TMC1: variants seen among roughly 807,000 people sequenced by gnomAD.
TMC1 encodes the protein transmembrane channel like 1.
A neutral mutation model predicts 105.8 loss-of-function variants in TMC1; 84 were observed. The observed-to-expected ratio is 0.79, with a 90% CI of 0.67 to 0.95. The LOEUF is 0.95. TMC1 is among the 40% of genes least tolerant of loss of function. The probability of loss-of-function intolerance (pLI) is 0.00; values close to 1 mark genes in which losing one functional copy is unlikely to be tolerated. For missense variants in TMC1, 817 were observed against 914.1 expected (o/e 0.89, Z 1.37); for synonymous variants, 315 against 311.5 (o/e 1.01, Z -0.12).
At chr9:72,755,875 A>G (rs1827669766) in intron 12 of TMC1, among the ~76,000 whole-genome samples, 1 of 152,208 alleles carries the variant, frequency 6.6e-6, no homozygotes, top group Admixed American at 6.5e-5. Flanking sequence ...TTCCCAAAGA[A>G]GAGATCAGGT....
At position 72,754,788 on chromosome 9, in the gene TMC1, C is replaced by A. The variant is rs964315149; in HGVS notation, c.645C>A (p.Tyr215Ter). ...LTFSLIMLPE[Y>*]LWGLPYGSLP... is the part of the protein sequence containing the mutation. ...GCTTTCTTTGCTTCTTCATACAGTA[C>A]CTCTGGGGTTTGCCATATGGCAGTT... The change falls in exon 12 of 24, where the codon TAC (tyrosine) becomes TAA (stop). Residue 215 changes from tyrosine to a stop codon, truncating the protein, a stop_gained and splice_region_variant. Transcript: ENST00000297784. LOFTEE classifies it high-confidence loss of function. The A allele has an allele frequency of 2.5e-6, 4 of 1,612,190 alleles. No homozygotes were observed. Among genetic ancestry groups the A allele is most frequent in the Non-Finnish European group, 3.4e-6 (4 of 1,178,294 alleles).
chr9:72,600,613 T>C (rs1378234155), intron 2 of TMC1, among the ~76,000 whole-genome samples: 4 of 152,062 alleles, frequency 2.6e-5, no homozygotes. Context: ...AAAATCCTAA[T>C]GTTCTCAAGC....
At chr9:72,565,013 GA>G (rs1824122306) in intron 1 of TMC1, among the ~76,000 whole-genome samples, 1 of 152,158 alleles carries the variant, frequency 6.6e-6, no homozygotes, top group Non-Finnish European at 1.5e-5. Flanking sequence ...TTATGGAAAA[GA>G]AACTCAACCT....
intron 5 of TMC1, chr9:72,656,254 G>T: frequency 7.6e-6 from 3 of 396,194 alleles, no homozygotes; most frequent in Non-Finnish European, 1.5e-5. Flanking sequence ...TGAGTCAGGA[G>T]CAGGTGCGGG....
At chr9:72,673,489 G>A (rs963380675) in intron 5 of TMC1, among the ~76,000 whole-genome samples, 6 of 151,982 alleles carry the variant, frequency 3.9e-5, no homozygotes, top group Non-Finnish European at 7.4e-5. Flanking sequence ...AAGAAGAAAC[G>A]ATTTCCTTTT....
intron 1 of TMC1, among the ~76,000 whole-genome samples, chr9:72,550,221 A>G (rs971794629): frequency 6.6e-6 from 1 of 151,240 alleles, no homozygotes; most frequent in Non-Finnish European, 1.5e-5. Context: ...TAATCCCAGC[A>G]CTTTGGGAAG....
At chr9:72,737,409 T>C (rs758706560) in intron 8 of TMC1, among the ~76,000 whole-genome samples, 14 of 152,152 alleles carry the variant, frequency 9.2e-5, no homozygotes, top group Non-Finnish European at 1.5e-4. Context: ...CAAGCAGGGG[T>C]GCGATTGCCT....
intron 8 of TMC1, among the ~76,000 whole-genome samples, chr9:72,708,655 A>T (rs1826784810): frequency 1.3e-5 from 2 of 152,144 alleles, no homozygotes; most frequent in African/African-American, 4.8e-5. Context: ...TATTAGTTCC[A>T]GGAGCTTTTT....
chr9:72,745,701 G>T (rs1361535950), intron 10 of TMC1, among the ~76,000 whole-genome samples: 1 of 152,110 alleles, frequency 6.6e-6, no homozygotes, highest in Non-Finnish European at 1.5e-5. Flanking sequence ...CTAAATATAG[G>T]TAAAGCATGT....
In TMC1 at chr9:72,688,723, G is replaced by C. The variant is rs757765718; in HGVS notation, c.31G>C (p.Glu11Gln). The change falls in exon 6 of 24, where the codon GAG becomes CAG. Residue 11 changes from glutamate to glutamine, a missense_variant. Physicochemically the swap from Glu to Gln is conservative, Grantham distance 29. Coordinates refer to ENST00000297784, the MANE Select transcript of TMC1 (RefSeq NM_138691.3). ...TTCCTCAACAGTACAAATCAAAGTG[G>C]AGGAAAAAGAAGACGAGACTGAGGA... is the stretch of plus-strand genomic sequence containing the variant. Reference protein sequence around the residue: MSPKKVQIKVEEKEDETEESS... With the variant: MSPKKVQIKVQEKEDETEESS... 2 of 1,611,976 alleles carry C rather than the reference G, an allele frequency of 1.2e-6. No individual in the cohort carries two copies. Among genetic ancestry groups the C allele is most frequent in the East Asian group, 4.5e-5 (2 of 44,752 alleles).
At chr9:72,709,596 G>T (rs1048975933) in intron 8 of TMC1, among the ~76,000 whole-genome samples, 4 of 152,110 alleles carry the variant, frequency 2.6e-5, no homozygotes, top group African/African-American at 7.2e-5. Context: ...TAGGAGGATT[G>T]TATCTTTGCA....
chr9:72,537,839 T>C (rs1285187075), intron 1 of TMC1, among the ~76,000 whole-genome samples: 1 of 152,186 alleles, frequency 6.6e-6, no homozygotes, highest in African/African-American at 2.4e-5. Context: ...GCCTGAACAG[T>C]TGAAGTCAGC....
intron 1 of TMC1, among the ~76,000 whole-genome samples, chr9:72,568,723 C>G (rs1436566895): frequency 1.3e-5 from 2 of 152,116 alleles, no homozygotes; most frequent in East Asian, 1.9e-4. Flanking sequence ...GTTCGGCTAG[C>G]CTTCTGATCC....
rs534608884 is a variant in TMC1, at chr9:72,603,848, GTTT to G, written c.-305-12494_-305-12492del. Among the ~76,000 whole-genome samples the G allele has an allele frequency of 4.7e-3, 351 of 73,950 alleles. 1 individual carries two copies. The highest frequency in any genetic ancestry group is 0.024 in the Middle Eastern group (2 of 82). The allele number at this position is 73,950 out of a possible 152,430, so 48.5% of individuals were successfully genotyped here. On this transcript the variant is annotated intron_variant, in intron 2 of 23. Coordinates refer to ENST00000297784, the MANE Select transcript of TMC1 (RefSeq NM_138691.3). The stretch of plus-strand genomic sequence containing the variant: ...CAGGTGTGAGCCACTGCGACCGGCT[GTTT>G]TTTTTTTTTTTTTTTTTTTTTTTTT...
At chr9:72,606,106 G>A (rs1464157688) in intron 2 of TMC1, among the ~76,000 whole-genome samples, 1 of 152,156 alleles carries the variant, frequency 6.6e-6, no homozygotes, top group African/African-American at 2.4e-5. Context: ...CCTGTCATGA[G>A]GTTGTAGTCA....
chr9:72,561,595 A>G (rs1824051915), intron 1 of TMC1, among the ~76,000 whole-genome samples: 2 of 152,198 alleles, frequency 1.3e-5, no homozygotes, highest in Admixed American at 1.3e-4. Context: ...CAAGCCAGGC[A>G]CTGTTTTCAG....
chr9:72,815,916 C>T (rs1308637887), intron 18 of TMC1, among the ~76,000 whole-genome samples: 2 of 151,896 alleles, frequency 1.3e-5, no homozygotes, highest in African/African-American at 2.4e-5. Flanking sequence ...TCTTGCTGTA[C>T]TTTCATAGCA....
At chr9:72,686,957 GACTC>G (rs1423780745) in intron 5 of TMC1, among the ~76,000 whole-genome samples, 1 of 152,132 alleles carries the variant, frequency 6.6e-6, no homozygotes, top group African/African-American at 2.4e-5. Flanking sequence ...GATGATTCAT[GACTC>G]TAGCCCTGCT....
Position 72,685,221 on chromosome 9 carries a change from T to C in TMC1, c.17-3488T>C, listed in dbSNP as rs547650264. Among the ~76,000 whole-genome samples the C allele has an allele frequency of 2.9e-3, 423 of 146,564 alleles. 1 individual carries two copies. Among genetic ancestry groups the C allele is most frequent in the African/African-American group, 9.1e-3 (357 of 39,400 alleles). ...TCCCGGGTTCATACCATTCTCCTGT[T>C]TCAGCCTCCCGAGTAGCTGGGACTA... On this transcript the variant is annotated intron_variant, in intron 5 of 23. Transcript: ENST00000297784.
Sources: gnomAD v4.1 joint callset for allele counts (sites outside exome capture counted in the v4.1 genomes callset) on GRCh38, gnomAD v4.1.1 for gene constraint, MANE v1.5 for transcripts, NCBI Gene and HGNC (gene_info 2026-07-23, HGNC 2026-07-21) for gene names.